Variants in ZBBX observed in about 807,000 individuals in gnomAD.
ZBBX encodes the protein zinc finger B-box domain-containing protein 1.
ZBBX carries 101 observed loss-of-function variants against 108.5 expected under a neutral mutation model. The ratio of observed to expected loss-of-function variants is 0.93; its 90% CI spans 0.79 to 1.10. The LOEUF is 1.10. Ranked by LOEUF, ZBBX falls within the 50% of genes least tolerant of loss-of-function variation. The pLI, the probability that ZBBX is intolerant of heterozygous loss-of-function variation, is 0.00. For synonymous variants in ZBBX, 356 were observed against 323.4 expected, an observed-to-expected ratio of 1.10 and a Z score of -1.08; for missense variants, 1,009 against 941.4, an observed-to-expected ratio of 1.07 and a Z score of -0.94.
At chr3:167,357,119 C>A (rs1743708675) in intron 8 of ZBBX, among the ~76,000 whole-genome samples, 1 of 152,052 alleles carries the variant, frequency 6.6e-6, no homozygotes, top group East Asian at 1.9e-4. Flanking sequence ...TAGATAGGGT[C>A]TTTAAAGCCA....
intron 20 of ZBBX, among the ~76,000 whole-genome samples, chr3:167,251,374 C>T (rs542662722): frequency 4.6e-5 from 7 of 152,170 alleles, no homozygotes; most frequent in Non-Finnish European, 8.8e-5. Flanking sequence ...CAAACTAAAA[C>T]GGCATCCTGT....
chr3:167,404,759 A>T (rs1394151004), intron 1 of ZBBX, among the ~76,000 whole-genome samples: 1 of 152,216 alleles, frequency 6.6e-6, no homozygotes, highest in Admixed American at 6.5e-5. Flanking sequence ...ATCATTTAAC[A>T]TGGAAATAAT....
chr3:167,272,903 G>A (rs1034605295), intron 20 of ZBBX, among the ~76,000 whole-genome samples: 2 of 152,070 alleles, frequency 1.3e-5, no homozygotes, highest in Non-Finnish European at 2.9e-5. Flanking sequence ...CCATATATTC[G>A]TTTTACTAAG....
the ZBBX span, among the ~76,000 whole-genome samples, chr3:167,199,244 T>C: frequency 2.6e-5 from 4 of 152,314 alleles, no homozygotes; most frequent in South Asian, 6.2e-4. Context: ...CACTGAAAGC[T>C]GATGAATTCA....
chr3:167,248,458 T>A, intron 20 of ZBBX: 1 of 275,148 alleles, frequency 3.6e-6, no homozygotes, highest in South Asian at 3.6e-5. Flanking sequence ...CTTTTTTTTT[T>A]TCCTCTTCTA....
intron 20 of ZBBX, among the ~76,000 whole-genome samples, chr3:167,263,832 T>C (rs1725013146): frequency 6.6e-6 from 1 of 152,216 alleles, no homozygotes; most frequent in Non-Finnish European, 1.5e-5. Flanking sequence ...TCTCCAGCTA[T>C]TATTGTATTG....
chr3:167,193,142 T>G, the ZBBX span, among the ~76,000 whole-genome samples: 1 of 152,180 alleles, frequency 6.6e-6, no homozygotes, highest in Non-Finnish European at 1.5e-5. Flanking sequence ...TCTCTGTAAT[T>G]TACCTGTTGG....
chr3:167,316,928 T>C (rs1735556920), intron 14 of ZBBX, 77 bp downstream of exon 14: 5 of 766,356 alleles, frequency 6.5e-6, no homozygotes, highest in Non-Finnish European at 1.0e-5. Context: ...TTATTGAAAA[T>C]AATATGCAGA....
the ZBBX span, among the ~76,000 whole-genome samples, chr3:167,229,594 C>T: frequency 6.6e-6 from 1 of 151,814 alleles, no homozygotes; most frequent in Non-Finnish European, 1.5e-5. Flanking sequence ...CAAGTGCTAT[C>T]TGAGCCTACA....
intron 17 of ZBBX, among the ~76,000 whole-genome samples, chr3:167,302,197 T>C (rs1168235527): frequency 6.6e-6 from 1 of 152,136 alleles, no homozygotes; most frequent in East Asian, 1.9e-4. Flanking sequence ...ATTGAGTATG[T>C]GGTTCAAAAT....
At chr3:167,314,225 G>T in intron 15 of ZBBX, 109 bp from the exon 16 acceptor site, 2 of 799,134 alleles carry the variant, frequency 2.5e-6, no homozygotes, top group South Asian at 3.1e-5. Flanking sequence ...CTTTAATAGG[G>T]TTATTTACAT....
intron 1 of ZBBX, among the ~76,000 whole-genome samples, chr3:167,402,704 G>A (rs1181741987): frequency 6.6e-6 from 1 of 151,812 alleles, no homozygotes; most frequent in African/African-American, 2.4e-5. Context: ...TAGGTGGATA[G>A]GTGGGTAATC....
intron 19 of ZBBX, among the ~76,000 whole-genome samples, chr3:167,287,217 A>G (rs1002737581): frequency 1.3e-5 from 2 of 152,150 alleles, no homozygotes; most frequent in African/African-American, 2.4e-5. Flanking sequence ...AGGTCTTTTT[A>G]TAAAACTTAT....
the ZBBX span, among the ~76,000 whole-genome samples, chr3:167,185,738 G>A: frequency 6.6e-6 from 1 of 151,858 alleles, no homozygotes; most frequent in African/African-American, 2.4e-5. Context: ...GCCTATATAT[G>A]TTGTAATTCT....
intron 20 of ZBBX, among the ~76,000 whole-genome samples, chr3:167,254,943 T>C (rs1204165608): frequency 8.6e-5 from 6 of 69,658 alleles, no homozygotes; most frequent in Non-Finnish European, 1.7e-4. Context: ...AGACAGAGAA[T>C]CTAGGAGGCT....
chr3:167,390,990 T>G (rs568711195), intron 1 of ZBBX, among the ~76,000 whole-genome samples: 14 of 152,242 alleles, frequency 9.2e-5, no homozygotes, highest in Admixed American at 5.2e-4. Context: ...TTCTCTTGCC[T>G]GATTTCCCTG....
chr3:167,338,812 A>C (rs1184872643), intron 9 of ZBBX, among the ~76,000 whole-genome samples: 1 of 152,154 alleles, frequency 6.6e-6, no homozygotes. Flanking sequence ...AGAGAGAAAA[A>C]ATTGTGTTAT....
intron 1 of ZBBX, among the ~76,000 whole-genome samples, chr3:167,385,993 T>C (rs1416730513): frequency 2.0e-5 from 3 of 152,080 alleles, no homozygotes; most frequent in African/African-American, 7.2e-5. Flanking sequence ...TTTCATTATG[T>C]GACCCAACCT....
intron 20 of ZBBX, among the ~76,000 whole-genome samples, chr3:167,252,520 A>G (rs1049781259): frequency 2.0e-5 from 3 of 151,648 alleles, no homozygotes; most frequent in African/African-American, 7.3e-5. Flanking sequence ...CTGATATGTC[A>G]TCTTCTTCCT....
Sources: allele counts gnomAD v4.1 joint callset (sites outside exome capture counted in the v4.1 genomes callset), GRCh38; gene constraint gnomAD v4.1.1; transcripts MANE v1.5; gene names NCBI Gene and HGNC (gene_info 2026-07-23, HGNC 2026-07-21).